The following NOX4 variants were observed in gnomAD, a reference collection of about 807,000 sequenced individuals.
The protein encoded by NOX4 is kidney oxidase-1.
Under a neutral mutation model 87.6 loss-of-function variants are expected in NOX4, and 69 were observed. The ratio of observed to expected loss-of-function variants is 0.79; its 90% CI spans 0.65 to 0.96. The LOEUF (loss-of-function observed/expected upper bound fraction) is 0.96, where lower values mean the gene tolerates loss of function less well. Among genes scored for constraint, NOX4 ranks in the 40% least tolerant of loss-of-function variants. NOX4 has a pLI of 0.00. For synonymous variants in NOX4, 275 were observed against 238.2 expected, an observed-to-expected ratio of 1.15 and a Z score of -1.42; for missense variants, 680 against 681.5, an observed-to-expected ratio of 1.00 and a Z score of 0.02.
chr11:89,326,798 T>C lies in NOX4; in HGVS notation c.1695A>G (p.Ser565=). 1 of 1,613,458 alleles carries C rather than the reference T, an allele frequency of 6.2e-7. No homozygotes were observed. The highest frequency in any genetic ancestry group is 8.5e-7 in the Non-Finnish European group (1 of 1,179,550). Reference sequence around the variant, plus strand: ...TATTGTATTCAAATCTTGTCCCATATGAGTTGTTCTGGTTACTCAGTTTAT... The same window carrying C: ...TATTGTATTCAAATCTTGTCCCATACGAGTTGTTCTGGTTACTCAGTTTAT... ...TLHKLSNQNN[S]YGTRFEYNKE... Residue 565 remains serine (S), a synonymous_variant, in exon 18 of 18, where the codon TCA becomes TCG. Coordinates refer to ENST00000263317, the MANE Select transcript of NOX4 (RefSeq NM_016931.5).
At chr11:89,404,554 G>A (rs1942060422) in intron 8 of NOX4, among the ~76,000 whole-genome samples, 1 of 152,090 alleles carries the variant, frequency 6.6e-6, no homozygotes, top group South Asian at 2.1e-4. Flanking sequence ...AAATGTATAT[G>A]CATTTTACAT....
At chr11:89,463,735 T>G (rs1945565367) in intron 2 of NOX4, among the ~76,000 whole-genome samples, 1 of 151,906 alleles carries the variant, frequency 6.6e-6, no homozygotes, top group East Asian at 1.9e-4. Context: ...ACATCTTAAG[T>G]TGGAACACCT....
At chr11:89,486,463 T>C (rs1010082666) in intron 2 of NOX4, among the ~76,000 whole-genome samples, 7 of 125,824 alleles carry the variant, frequency 5.6e-5, no homozygotes, top group African/African-American at 2.1e-4. Flanking sequence ...CCAGCTAATA[T>C]ATGTGTGTGT....
At chr11:89,472,537 AT>A (rs1293666963) in intron 2 of NOX4, among the ~76,000 whole-genome samples, 7 of 152,152 alleles carry the variant, frequency 4.6e-5, no homozygotes, top group Non-Finnish European at 7.4e-5. Context: ...TTATGTCATC[AT>A]TTTTTTATCT....
At chr11:89,337,410 G>A (rs4086356) in intron 16 of NOX4, 37 bp downstream of exon 16, 21 of 1,610,264 alleles carry the variant, frequency 1.3e-5, no homozygotes, top group Non-Finnish European at 1.8e-5. Flanking sequence ...CTATTATCAA[G>A]AGGCTTGTTT....
chr11:89,484,485 T>C (rs1438674198), intron 2 of NOX4, among the ~76,000 whole-genome samples: 1 of 152,118 alleles, frequency 6.6e-6, no homozygotes, highest in East Asian at 1.9e-4. Flanking sequence ...TAGTAGTCCA[T>C]ACAGTGTGGG....
chr11:89,514,430 C>A, the NOX4 span, among the ~76,000 whole-genome samples: 2 of 151,856 alleles, frequency 1.3e-5, no homozygotes, highest in African/African-American at 4.8e-5. Context: ...ATGTAATCAA[C>A]TAATATACAA....
At chr11:89,483,894 A>T (rs2135478295) in intron 2 of NOX4, among the ~76,000 whole-genome samples, 1 of 152,262 alleles carries the variant, frequency 6.6e-6, no homozygotes, top group South Asian at 2.1e-4. Context: ...TTAAAATTTT[A>T]TAAAACAAGA....
At chr11:89,579,360 T>C in the NOX4 span, among the ~76,000 whole-genome samples, 1 of 152,104 alleles carries the variant, frequency 6.6e-6, no homozygotes, top group Non-Finnish European at 1.5e-5. Flanking sequence ...AATGTACCAC[T>C]CTGGTGGGGG....
chr11:89,457,188 A>T (rs1262532991), intron 2 of NOX4, among the ~76,000 whole-genome samples: 1 of 152,150 alleles, frequency 6.6e-6, no homozygotes, highest in Non-Finnish European at 1.5e-5. Flanking sequence ...TCCCTTACCC[A>T]GCCAGTACGT....
chr11:89,502,757 C>A (rs1591388891), upstream of NOX4, among the ~76,000 whole-genome samples: 1 of 152,046 alleles, frequency 6.6e-6, no homozygotes, highest in Non-Finnish European at 1.5e-5. Context: ...GTTTGCATCA[C>A]AAGTTATTGA....
At chr11:89,479,239 T>C (rs1432194733) in intron 2 of NOX4, among the ~76,000 whole-genome samples, 3 of 152,204 alleles carry the variant, frequency 2.0e-5, no homozygotes, top group Non-Finnish European at 2.9e-5. Flanking sequence ...GGAAGACATA[T>C]TGGAAGAAAA....
intron 7 of NOX4, among the ~76,000 whole-genome samples, chr11:89,430,563 GACAA>G (rs772529667): frequency 2.0e-4 from 30 of 152,032 alleles, no homozygotes; most frequent in Non-Finnish European, 3.2e-4. Context: ...ACCAATAACA[GACAA>G]ACAGAGAGCC....
At chr11:89,404,993 ACT>A (rs1479470147) in intron 8 of NOX4, among the ~76,000 whole-genome samples, 1 of 151,540 alleles carries the variant, frequency 6.6e-6, no homozygotes, top group African/African-American at 2.4e-5. Flanking sequence ...TACCTAGCTC[ACT>A]CTATGCCCCT....
intron 7 of NOX4, among the ~76,000 whole-genome samples, chr11:89,427,763 GGC>G (rs1943522609): frequency 6.6e-6 from 1 of 152,146 alleles, no homozygotes; most frequent in Non-Finnish European, 1.5e-5. Flanking sequence ...TGAAAGTGAC[GGC>G]GAGAATGGAA....
At chr11:89,573,914 T>G in the NOX4 span, among the ~76,000 whole-genome samples, 1 of 152,106 alleles carries the variant, frequency 6.6e-6, no homozygotes, top group Non-Finnish European at 1.5e-5. Flanking sequence ...CTTTAGGAAG[T>G]GGTACACATG....
intron 7 of NOX4, among the ~76,000 whole-genome samples, chr11:89,424,959 T>C (rs1487269454): frequency 2.0e-5 from 3 of 152,122 alleles, no homozygotes; most frequent in Non-Finnish European, 4.4e-5. Flanking sequence ...CTAGGTGTTA[T>C]AATCTTGTTT....
chr11:89,354,778 T>C (rs1937881216), intron 13 of NOX4, among the ~76,000 whole-genome samples, 184 bp downstream of exon 13: 1 of 152,174 alleles, frequency 6.6e-6, no homozygotes, highest in Admixed American at 6.6e-5. Context: ...AAGTATTTCT[T>C]CTATGACCCA....
At chr11:89,536,999 C>T in the NOX4 span, among the ~76,000 whole-genome samples, 2 of 152,172 alleles carry the variant, frequency 1.3e-5, no homozygotes, top group Non-Finnish European at 2.9e-5. Context: ...ATCTGAACTA[C>T]ACAAATGGGA....
Sources: gnomAD v4.1 joint callset for allele counts (sites outside exome capture counted in the v4.1 genomes callset) on GRCh38, gnomAD v4.1.1 for gene constraint, MANE v1.5 for transcripts, NCBI Gene and HGNC (gene_info 2026-07-23, HGNC 2026-07-21) for gene names.